The following KCTD1 variants were observed in gnomAD, a reference collection of about 807,000 sequenced individuals.
KCTD1 encodes the protein potassium channel tetramerization domain containing 1, also known as BTB/POZ domain-containing protein KCTD1.
KCTD1 carries 24 observed loss-of-function variants against 66.0 expected under a neutral mutation model. That is an observed-to-expected ratio of 0.36 (90% confidence interval 0.26 to 0.51). The LOEUF is 0.51. Ranked by LOEUF, KCTD1 falls within the 20% of genes least tolerant of loss-of-function variation. KCTD1 has a pLI of 0.95. For synonymous variants in KCTD1, 511 were observed against 517.2 expected (o/e 0.99, Z 0.16); for missense variants, 943 against 1,205.2 (o/e 0.78, Z 3.22).
intron 1 of KCTD1, among the ~76,000 whole-genome samples, chr18:26,508,765 T>C (rs1157049912): frequency 2.6e-5 from 4 of 152,026 alleles, no homozygotes; most frequent in African/African-American, 7.2e-5. Flanking sequence ...CTGTATTATA[T>C]GGCATACTTG....
At chr18:26,556,214 T>G (rs1192143626) in intron 1 of KCTD1, among the ~76,000 whole-genome samples, 2 of 152,114 alleles carry the variant, frequency 1.3e-5, no homozygotes, top group African/African-American at 4.8e-5. Context: ...AGATCCAGGC[T>G]TTGCACCTGA....
In KCTD1 at chr18:26,594,371, G is replaced by C. The variant is rs541028181; in HGVS notation, c.-16+34776C>G. On this transcript the variant is annotated intron_variant, in intron 1 of 4. Coordinates refer to the KCTD1 transcript ENST00000317932. Reference sequence around the variant, plus strand: ...TTGTGTACAGACTTATTTCTTAATTGATGTCTAGAAGTCAGGTGGAGGAGA... The same window carrying C: ...TTGTGTACAGACTTATTTCTTAATTCATGTCTAGAAGTCAGGTGGAGGAGA... 5.9e-5 allele frequency among the ~76,000 whole-genome samples: 9 copies of C among 152,316 alleles called. No homozygotes were observed. In the South Asian group the frequency reaches 1.9e-3, roughly 32 times the overall value.
At chr18:26,543,240 T>C (rs1354401062) in intron 1 of KCTD1, 3 of 152,190 alleles carry the variant, frequency 2.0e-5, no homozygotes, top group East Asian at 1.9e-4. Flanking sequence ...CAAACTAATA[T>C]TGAAAATCAG....
intron 1 of KCTD1, among the ~76,000 whole-genome samples, chr18:26,567,486 TTG>T (rs202164396): frequency 0.031 from 3,667 of 117,238 alleles, 85 homozygotes; most frequent in Admixed American, 0.084. Context: ...TCTGTTGTTG[TTG>T]TTTTTTTTTT....
upstream of KCTD1, chr18:26,549,447 A>T (rs1985453592): frequency 1.0e-6 from 1 of 985,462 alleles, no homozygotes; most frequent in African/African-American, 1.7e-5. Context: ...CAGCCCCGGG[A>T]AGGAGCGAGG....
intron 2 of KCTD1, among the ~76,000 whole-genome samples, chr18:26,482,986 C>T (rs1468297641): frequency 6.6e-6 from 1 of 152,210 alleles, no homozygotes; most frequent in Admixed American, 6.5e-5. Context: ...TATGTCTAGG[C>T]TTCCAAGCCA....
intron 1 of KCTD1, among the ~76,000 whole-genome samples, chr18:26,553,665 T>C (rs1412855094): frequency 6.6e-6 from 1 of 152,212 alleles, no homozygotes; most frequent in Non-Finnish European, 1.5e-5. Flanking sequence ...TAACAGTCCC[T>C]ACCCCTTGGG....
upstream of KCTD1, among the ~76,000 whole-genome samples, chr18:26,552,360 T>C (rs1181542535): frequency 1.3e-5 from 2 of 152,246 alleles, no homozygotes; most frequent in African/African-American, 4.8e-5. Flanking sequence ...GCCTGTTTCC[T>C]CTCTACTAAA....
At chr18:26,548,832 G>T, upstream of KCTD1, 1 of 959,456 alleles carries the variant, frequency 1.0e-6, no homozygotes, top group Non-Finnish European at 1.3e-6. Context: ...AACTTTGAAG[G>T]AAAAAAAAAA....
At chr18:26,650,057 C>T (rs1988000882) in intron 1 of KCTD1, among the ~76,000 whole-genome samples, 1 of 152,170 alleles carries the variant, frequency 6.6e-6, no homozygotes, top group Non-Finnish European at 1.5e-5. Flanking sequence ...CCCATGACAA[C>T]TGTGCACAGG....
At chr18:26,548,724 AGGGGGGAG>A, upstream of KCTD1, 1 of 416,756 alleles carries the variant, frequency 2.4e-6, no homozygotes, top group Non-Finnish European at 2.9e-6. Flanking sequence ...GATGGAGGGG[AGGGGGGAG>A]GGGGGGACAA....
chr18:26,620,348 TAAAAAAAAAAAAAAAAAAAAAAA>T (rs10594272), intron 1 of KCTD1, among the ~76,000 whole-genome samples: 2 of 87,214 alleles, frequency 2.3e-5, no homozygotes, highest in Admixed American at 1.6e-4. Context: ...AGGTAAATCT[TAAAAAAAAAAAAAAAAAAAAAAA>T]AAAAAAAAAA....
At chr18:26,496,516 C>T (rs1207900316) in intron 2 of KCTD1, among the ~76,000 whole-genome samples, 3 of 152,080 alleles carry the variant, frequency 2.0e-5, no homozygotes, top group East Asian at 1.9e-4. Flanking sequence ...CTCAGAAACA[C>T]CTCCTAAAGA....
At chr18:26,593,110 T>C (rs1282864617) in intron 1 of KCTD1, among the ~76,000 whole-genome samples, 1 of 152,214 alleles carries the variant, frequency 6.6e-6, no homozygotes, top group Non-Finnish European at 1.5e-5. Flanking sequence ...AGTCATTTCA[T>C]TTCTCTGATG....
At chr18:26,511,368 G>A (rs2144714257) in intron 1 of KCTD1, among the ~76,000 whole-genome samples, 1 of 152,304 alleles carries the variant, frequency 6.6e-6, no homozygotes, top group South Asian at 2.1e-4. Flanking sequence ...CCACACTCTC[G>A]GGGTCTATCT....
rs371802020 is a variant in KCTD1, at chr18:26,621,291, T to C, written c.-16+7856A>G. On this transcript the variant is annotated intron_variant, in intron 1 of 4. Transcript: ENST00000317932. ...CTCTGATTATTGCTCCCCTAACCTC[T>C]TGTGCTTCCCATGTCACAAAATACA... is the stretch of plus-strand genomic sequence containing the variant. Among the ~76,000 whole-genome samples the C allele has an allele frequency of 1.1e-3, 175 of 152,290 alleles. 1 individual carries two copies. The South Asian group carries it at 0.012, about 10-fold the overall frequency.
intron 2 of KCTD1, among the ~76,000 whole-genome samples, chr18:26,493,932 C>T (rs1443709110): frequency 5.3e-5 from 8 of 152,204 alleles, no homozygotes; most frequent in Non-Finnish European, 8.8e-5. Context: ...AATATCACTA[C>T]TCACTGAAAC....
chr18:26,579,038 CTGTTT>C (rs1255802059), intron 1 of KCTD1, among the ~76,000 whole-genome samples: 4 of 151,930 alleles, frequency 2.6e-5, no homozygotes, highest in South Asian at 4.2e-4. Flanking sequence ...GTGTTTTTAC[CTGTTT>C]TGTTTTTTTT....
chr18:26,597,407 A>C (rs981291740), intron 1 of KCTD1, among the ~76,000 whole-genome samples: 2 of 152,156 alleles, frequency 1.3e-5, no homozygotes, highest in African/African-American at 4.8e-5. Flanking sequence ...CAGGGGCCTG[A>C]TCAGATAATA....
Sources: allele counts gnomAD v4.1 joint callset (sites outside exome capture counted in the v4.1 genomes callset), GRCh38; gene constraint gnomAD v4.1.1; transcripts MANE v1.5; gene names NCBI Gene and HGNC (gene_info 2026-07-23, HGNC 2026-07-21).